Variants in SLC35B4 observed in about 807,000 individuals in gnomAD.
SLC35B4 encodes the protein solute carrier family 35 member B4.
A neutral mutation model predicts 39.5 loss-of-function variants in SLC35B4; 28 were observed. That is an observed-to-expected ratio of 0.71 (90% CI 0.53 to 0.97). The LOEUF is 0.97. Ranked by LOEUF, SLC35B4 falls within the 50% of genes least tolerant of loss-of-function variation. The probability of loss-of-function intolerance (pLI) is 0.00; values close to 1 mark genes in which losing one functional copy is unlikely to be tolerated. For synonymous variants in SLC35B4, 145 were observed against 150.4 expected, an observed-to-expected ratio of 0.96 and a Z score of 0.26; for missense variants, 334 against 414.3, an observed-to-expected ratio of 0.81 and a Z score of 1.68.
intron 2 of SLC35B4, among the ~76,000 whole-genome samples, chr7:134,307,011 T>G (rs1349982152): frequency 6.6e-6 from 1 of 152,214 alleles, no homozygotes; most frequent in African/African-American, 2.4e-5. Flanking sequence ...ATTTAAAAAT[T>G]TTCAAGTATA....
intron 3 of SLC35B4, 130 bp downstream of exon 3, chr7:134,306,542 G>C: frequency 1.8e-6 from 1 of 561,410 alleles, no homozygotes. Context: ...CCTTGCTCAC[G>C]CATTCACAAA....
chr7:134,301,901 T>C (rs1293874310), intron 5 of SLC35B4, 80 bp from the exon 6 acceptor site: 1 of 1,507,418 alleles, frequency 6.6e-7, no homozygotes, highest in Non-Finnish European at 9.2e-7. Context: ...ACATTTATGT[T>C]ACCCATTTCC....
rs769817634 is a variant in SLC35B4 at position 134,293,479 on chromosome 7, G to A, written c.*1354C>T. On this transcript the variant is annotated 3_prime_UTR_variant, in exon 10 of 10. Transcript: ENST00000378509. ...CCTCAATACCCATCGAGAATGCTAA[G>A]ATACCTCATAGGACAATAACAACTT... The A allele has an allele frequency of 6.6e-6, 1 of 152,196 alleles. No homozygotes were observed. The highest frequency in any genetic ancestry group is 1.5e-5 in the Non-Finnish European group (1 of 68,036). The allele number at this position is 152,196 out of a possible 1,614,324, so 9.4% of individuals were successfully genotyped here. A position where few individuals can be genotyped will look rare whatever the true frequency, so the allele number is the denominator to read the frequency against.
chr7:134,316,776 A>G lies in SLC35B4; in HGVS notation c.-25T>C, dbSNP rs982361702. 3.2e-6 allele frequency: 5 copies of G among 1,541,838 alleles called. No homozygotes were observed. The highest frequency in any genetic ancestry group is 4.4e-6 in the Non-Finnish European group (5 of 1,145,732). ...TGGCCGGTGCAGGGTTGGGGAAGCA[A>G]GCGCACAGAGTAAGCGCCCGCCTGT... On this transcript the variant is annotated 5_prime_UTR_variant, in exon 1 of 10. Coordinates refer to ENST00000378509, the MANE Select transcript of SLC35B4 (RefSeq NM_032826.5).
At chr7:134,305,463 A>G (rs1338273190) in intron 3 of SLC35B4, among the ~76,000 whole-genome samples, 1 of 152,118 alleles carries the variant, frequency 6.6e-6, no homozygotes, top group Non-Finnish European at 1.5e-5. Context: ...CTGTATTTTC[A>G]TATTTGTTTG....
chr7:134,304,675 C>T (rs1803666013), intron 4 of SLC35B4, 130 bp downstream of exon 4: 1 of 679,368 alleles, frequency 1.5e-6, no homozygotes, highest in Non-Finnish European at 2.5e-6. Flanking sequence ...TGGTAAAGAA[C>T]TAAGAAAAGA....
chr7:134,319,495 C>T (rs1164364516), upstream of SLC35B4, among the ~76,000 whole-genome samples: 1 of 152,164 alleles, frequency 6.6e-6, no homozygotes, highest in Non-Finnish European at 1.5e-5. Context: ...ACTGGGTTCT[C>T]CTTTCAGAGT....
At chr7:134,315,038 C>T (rs550190151) in intron 1 of SLC35B4, among the ~76,000 whole-genome samples, 89 of 152,132 alleles carry the variant, frequency 5.9e-4, no homozygotes, top group African/African-American at 2.0e-3. Context: ...ACAGAGTTTA[C>T]CTTAAGTAAA....
intron 6 of SLC35B4, 88 bp from the exon 7 acceptor site, chr7:134,300,349 C>T (rs1191877125): frequency 1.1e-6 from 1 of 887,162 alleles, no homozygotes; most frequent in Non-Finnish European, 1.7e-6. Flanking sequence ...TAAAGTCCTG[C>T]AAATATTATG....
rs12674455 is a variant in SLC35B4 at position 134,295,006 on chromosome 7, G to C, written c.823C>G (p.Leu275Val). ...ASLTVTLVVTLRKFVSLIFSI... is the reference protein window; with the variant it reads ...ASLTVTLVVTVRKFVSLIFSI... ...AAGATGAGGCTCACAAATTTGCGTA[G>C]GGTCACGACGAGCGTGACGGTGAGG... The change falls in exon 10 of 10, where the codon CTA becomes GTA. Residue 275 changes from leucine to valine, a missense_variant. Coordinates refer to ENST00000378509, the MANE Select transcript of SLC35B4 (RefSeq NM_032826.5). The C allele has an allele frequency of 3.1e-6, 5 of 1,614,032 alleles. No homozygotes were observed. In the East Asian group the frequency reaches 1.1e-4, roughly 36 times the overall value.
chr7:134,307,650 C>T (rs974349123), intron 2 of SLC35B4, among the ~76,000 whole-genome samples: 1 of 152,194 alleles, frequency 6.6e-6, no homozygotes, highest in Admixed American at 6.5e-5. Context: ...CCATATTCTT[C>T]AGGAAATGTT....
chr7:134,291,343 T>TACTC lies in SLC35B4; in HGVS notation c.*3486_*3489dup, dbSNP rs545693980. On this transcript the variant is annotated 3_prime_UTR_variant, in exon 10 of 10. Coordinates refer to ENST00000378509, the MANE Select transcript of SLC35B4 (RefSeq NM_032826.5). The stretch of plus-strand genomic sequence containing the variant: ...AAAATACACGCTGTGCAGATATAAA[T>TACTC]ACTCTGTAAAAATCCACAAAAACAT... 5 of 152,252 alleles carry TACTC rather than the reference T, an allele frequency of 3.3e-5. No homozygotes were observed. The East Asian group carries it at 9.7e-4, about 29-fold the overall frequency. 9.4% of individuals were successfully genotyped at this position (152,252 alleles called of 1,614,324 possible).
At chr7:134,302,565 C>G (rs752750205) in intron 4 of SLC35B4, among the ~76,000 whole-genome samples, 10 of 152,122 alleles carry the variant, frequency 6.6e-5, no homozygotes, top group Admixed American at 2.6e-4. Flanking sequence ...AGAAAATAAT[C>G]CAATCATCCA....
intron 8 of SLC35B4, chr7:134,299,310 C>T (rs1243375216): frequency 6.4e-6 from 3 of 469,006 alleles, no homozygotes; most frequent in African/African-American, 4.0e-5. Flanking sequence ...ATGGAAAACT[C>T]GAAGATATTC....
At chr7:134,318,224 GA>G (rs1371624220), upstream of SLC35B4, among the ~76,000 whole-genome samples, 1 of 152,140 alleles carries the variant, frequency 6.6e-6, no homozygotes, top group African/African-American at 2.4e-5. Flanking sequence ...ATGGGTTCTA[GA>G]AACTTGTATT....
chr7:134,305,793 C>T (rs1803696141), intron 3 of SLC35B4, among the ~76,000 whole-genome samples: 1 of 152,122 alleles, frequency 6.6e-6, no homozygotes, highest in African/African-American at 2.4e-5. Context: ...GCCTCAGCCT[C>T]CCGAGTAGCT....
At chr7:134,319,347 T>G (rs1269067036), upstream of SLC35B4, among the ~76,000 whole-genome samples, 2 of 152,238 alleles carry the variant, frequency 1.3e-5, no homozygotes, top group Non-Finnish European at 2.9e-5. Flanking sequence ...GATCTGGCAG[T>G]GGCTTTTTAC....
At position 134,304,909 on chromosome 7, in the gene SLC35B4, C is replaced by T. The variant is rs577685458; in HGVS notation, c.295-55G>A. On this transcript the variant is annotated intron_variant, in intron 3 of 9. Coordinates refer to ENST00000378509, the MANE Select transcript of SLC35B4 (RefSeq NM_032826.5). ...GTTTAGTGCACTAGGAAAAAAACAACGTAATTCGAGAGAATAGGAACATGG... is the reference window on the plus strand; with the variant it reads ...GTTTAGTGCACTAGGAAAAAAACAATGTAATTCGAGAGAATAGGAACATGG... 2.9e-3 allele frequency: 4,051 copies of T among 1,379,834 alleles called. 117 individuals are homozygous for T. The South Asian group carries it at 0.044, about 15-fold the overall frequency. 85.5% of individuals were successfully genotyped at this position (1,379,834 alleles called of 1,614,324 possible). A position where few individuals can be genotyped will look rare whatever the true frequency, so the allele number is the denominator to read the frequency against.
chr7:134,317,643 A>G (rs928924045), upstream of SLC35B4, among the ~76,000 whole-genome samples: 1 of 152,230 alleles, frequency 6.6e-6, no homozygotes, highest in Non-Finnish European at 1.5e-5. Context: ...AAAAATGCCA[A>G]TATCAGCAAT....
Sources: gnomAD v4.1 joint callset for allele counts (sites outside exome capture counted in the v4.1 genomes callset) on GRCh38, gnomAD v4.1.1 for gene constraint, MANE v1.5 for transcripts, NCBI Gene and HGNC (gene_info 2026-07-23, HGNC 2026-07-21) for gene names.